The following SPMIP6 variants were observed in gnomAD, a reference collection of about 807,000 sequenced individuals.
SPMIP6 encodes the protein ciliated bronchial epithelial protein 1.
chr9:34,381,372 A>G, the SPMIP6 span: 1 of 1,613,970 alleles, frequency 6.2e-7, no homozygotes, highest in Non-Finnish European at 8.5e-7. This position sits in a 1 kb window ranked among gnomAD's most constrained non-coding sequence, Gnocchi z 4.4. Flanking sequence ...TCTTTACCGT[A>G]GGCATTGAGC....
chr9:34,380,716 G>A, the SPMIP6 span: 1 of 1,548,462 alleles, frequency 6.5e-7, no homozygotes, highest in Non-Finnish European at 8.7e-7. Context: ...TCCCGCCTCA[G>A]TTGTTAGTTC....
chr9:34,380,746 C>T, the SPMIP6 span: 4 of 1,543,430 alleles, frequency 2.6e-6, no homozygotes, highest in Admixed American at 2.0e-5. Flanking sequence ...AGCCCGAGGG[C>T]GGGACACGGC....
chr9:34,392,168 G>C, the SPMIP6 span, among the ~76,000 whole-genome samples: 4 of 151,940 alleles, frequency 2.6e-5, no homozygotes, highest in African/African-American at 9.7e-5. The surrounding 1 kb of genome is among the most constrained non-coding windows in gnomAD (Gnocchi z 4.6). Context: ...AAACTCCTGG[G>C]CTCAAGCCAT....
At chr9:34,382,583 TAAA>T in the SPMIP6 span, 73 of 540,096 alleles carry the variant, frequency 1.4e-4, no homozygotes, top group Middle Eastern at 5.0e-4. Context: ...AGACTCTATC[TAAA>T]AAAAAAAAAA....
At chr9:34,379,788 C>G in the SPMIP6 span, 1 of 1,412,770 alleles carries the variant, frequency 7.1e-7, no homozygotes, top group South Asian at 1.2e-5. The surrounding 1 kb of genome is among the most constrained non-coding windows in gnomAD (Gnocchi z 4.2). Flanking sequence ...ACTCTCATCC[C>G]CCGATTTAGA....
At chr9:34,397,697 A>T in the SPMIP6 span, 2 of 1,509,984 alleles carry the variant, frequency 1.3e-6, no homozygotes, top group Non-Finnish European at 1.8e-6. Flanking sequence ...GACATCAGTG[A>T]CCACCCTTCC....
chr9:34,390,432 G>T, the SPMIP6 span, among the ~76,000 whole-genome samples: 2 of 152,010 alleles, frequency 1.3e-5, no homozygotes, highest in Non-Finnish European at 2.9e-5. Context: ...TACAGTTCAA[G>T]AATTTTTACT....
the SPMIP6 span, among the ~76,000 whole-genome samples, chr9:34,382,015 C>A: frequency 6.6e-6 from 1 of 152,166 alleles, no homozygotes; most frequent in African/African-American, 2.4e-5. Context: ...AGTCTTTCTC[C>A]TTCCGTCTGT....
At chr9:34,382,547 T>C in the SPMIP6 span, 1 of 565,304 alleles carries the variant, frequency 1.8e-6, no homozygotes, top group Non-Finnish European at 3.2e-6. Context: ...GTTGCGCCAC[T>C]GCGCTCCAGC....
At chr9:34,387,140 G>T in the SPMIP6 span, among the ~76,000 whole-genome samples, 1 of 150,542 alleles carries the variant, frequency 6.6e-6, no homozygotes, top group Non-Finnish European at 1.5e-5. Flanking sequence ...TGATCCTCCC[G>T]CCTCAGCCTC....
chr9:34,388,932 C>CCT, the SPMIP6 span, among the ~76,000 whole-genome samples: 1 of 109,818 alleles, frequency 9.1e-6, no homozygotes, highest in East Asian at 2.7e-4. Flanking sequence ...CTCTCTCTTT[C>CCT]TTTTTTTTTT....
the SPMIP6 span, among the ~76,000 whole-genome samples, chr9:34,396,532 C>A: frequency 6.6e-6 from 1 of 152,164 alleles, no homozygotes; most frequent in Non-Finnish European, 1.5e-5. Flanking sequence ...AAACCTGGAG[C>A]CTTATGTCCA....
the SPMIP6 span, among the ~76,000 whole-genome samples, chr9:34,386,389 A>G: frequency 6.6e-6 from 1 of 152,002 alleles, no homozygotes; most frequent in African/African-American, 2.4e-5. Context: ...AGATCAAGAG[A>G]TGGAGACTAT....
At chr9:34,382,910 T>TA in the SPMIP6 span, 1 of 1,258,006 alleles carries the variant, frequency 7.9e-7, no homozygotes, top group Non-Finnish European at 1.2e-6. Flanking sequence ...TGTTACTTCT[T>TA]ACTCTACTCC....
At chr9:34,381,344 C>T in the SPMIP6 span, 3 of 1,613,528 alleles carry the variant, frequency 1.9e-6, no homozygotes, top group African/African-American at 4.0e-5. This position sits in a 1 kb window ranked among gnomAD's most constrained non-coding sequence, Gnocchi z 4.4. Context: ...CCCGTTCTTT[C>T]CAACGCCCCA....
At chr9:34,383,082 G>T in the SPMIP6 span, among the ~76,000 whole-genome samples, 9 of 152,190 alleles carry the variant, frequency 5.9e-5, no homozygotes, top group South Asian at 1.9e-3. Flanking sequence ...TCTGAGTTTA[G>T]TCTGGATCCA....
chr9:34,386,264 GA>G, the SPMIP6 span, among the ~76,000 whole-genome samples: 1 of 152,156 alleles, frequency 6.6e-6, no homozygotes, highest in Non-Finnish European at 1.5e-5. Flanking sequence ...GCATCTTAAA[GA>G]AAATGAAGGA....
At chr9:34,388,932 C>CTTTTTTTTT in the SPMIP6 span, among the ~76,000 whole-genome samples, 5 of 109,816 alleles carry the variant, frequency 4.6e-5, no homozygotes, top group African/African-American at 7.2e-5. Flanking sequence ...CTCTCTCTTT[C>CTTTTTTTTT]TTTTTTTTTT....
the SPMIP6 span, chr9:34,379,827 C>A: frequency 1.1e-6 from 1 of 931,262 alleles, no homozygotes; most frequent in Non-Finnish European, 1.7e-6. This position sits in a 1 kb window ranked among gnomAD's most constrained non-coding sequence, Gnocchi z 4.2. Flanking sequence ...CTTCAGGTGT[C>A]CGTCCCAAGG....
Sources: allele counts gnomAD v4.1 joint callset (sites outside exome capture counted in the v4.1 genomes callset), GRCh38; gene constraint gnomAD v4.1.1; non-coding constraint Gnocchi (gnomAD v3.1); transcripts MANE v1.5; gene names NCBI Gene and HGNC (gene_info 2026-07-23, HGNC 2026-07-21).